The following GADL1 variants were observed in gnomAD, a reference collection of about 807,000 sequenced individuals.
The protein encoded by GADL1 is acidic amino acid decarboxylase GADL1.
Under a neutral mutation model 69.5 loss-of-function variants are expected in GADL1, and 71 were observed. That is an observed-to-expected ratio of 1.02 (90% CI 0.84 to 1.25). The LOEUF is 1.25. Among genes scored for constraint, GADL1 ranks in the 50% most tolerant of loss-of-function variants. The probability of loss-of-function intolerance (pLI) is 0.00; values close to 1 mark genes in which losing one functional copy is unlikely to be tolerated. For missense variants in GADL1, 737 were observed against 631.8 expected, an observed-to-expected ratio of 1.17 and a Z score of -1.79; for synonymous variants, 254 against 214.4, an observed-to-expected ratio of 1.18 and a Z score of -1.62.
intron 11 of GADL1, among the ~76,000 whole-genome samples, chr3:30,831,810 A>T (rs1697797053): frequency 6.6e-6 from 1 of 151,976 alleles, no homozygotes; most frequent in East Asian, 1.9e-4. Flanking sequence ...ATATTGGGAG[A>T]TAGGCAAGAA....
chr3:30,836,596 TTTAA>T (rs1351655746), intron 9 of GADL1, among the ~76,000 whole-genome samples: 1 of 152,116 alleles, frequency 6.6e-6, no homozygotes, highest in Non-Finnish European at 1.5e-5. Flanking sequence ...TATATTTGTC[TTTAA>T]TTAGTTAATA....
At chr3:30,752,571 G>A (rs896424959) in intron 14 of GADL1, among the ~76,000 whole-genome samples, 2 of 152,078 alleles carry the variant, frequency 1.3e-5, no homozygotes, top group South Asian at 2.1e-4. Context: ...ACCCAGTCTC[G>A]AGGAGTTATG....
chr3:30,854,557 A>G, intron 4 of GADL1, 142 bp downstream of exon 4: 1 of 567,448 alleles, frequency 1.8e-6, no homozygotes, highest in Non-Finnish European at 3.1e-6. Flanking sequence ...TTGAATACTG[A>G]TAAGTATCAT....
chr3:30,804,184 G>A (rs1437732488), intron 11 of GADL1, among the ~76,000 whole-genome samples: 3 of 152,022 alleles, frequency 2.0e-5, no homozygotes, highest in South Asian at 2.1e-4. Context: ...AGTTGAATCC[G>A]GTACTAAGTA....
rs557621850 is a variant in GADL1 at position 30,844,535 on chromosome 3, A to G, written c.652-69T>C. 1.7e-4 allele frequency: 170 copies of G among 1,021,402 alleles called. 1 individual carries two copies. The African/African-American group carries it at 2.4e-3, about 15-fold the overall frequency. 63.3% of individuals were successfully genotyped at this position (1,021,402 alleles called of 1,614,324 possible). A position where few individuals can be genotyped will look rare whatever the true frequency, so the allele number is the denominator to read the frequency against. The stretch of plus-strand genomic sequence containing the variant: ...TAGCACAAAAAAAGCATTGCTTATT[A>G]TCAAAGGTAGATGAAAGTATGGCTG... On this transcript the variant is annotated intron_variant, in intron 6 of 14. Coordinates refer to ENST00000282538, the MANE Select transcript of GADL1 (RefSeq NM_207359.3).
At chr3:30,837,336 CT>C (rs1437748698) in intron 9 of GADL1, among the ~76,000 whole-genome samples, 1 of 152,072 alleles carries the variant, frequency 6.6e-6, no homozygotes, top group African/African-American at 2.4e-5. Context: ...ACCCACAATA[CT>C]AAAGGATGGG....
At chr3:30,859,077 C>G (rs1231018250) in intron 2 of GADL1, among the ~76,000 whole-genome samples, 3 of 151,868 alleles carry the variant, frequency 2.0e-5, no homozygotes, top group Non-Finnish European at 4.4e-5. Context: ...AGCAGCTTGA[C>G]TTAGAGAGGT....
At chr3:30,837,576 C>T (rs1045847937) in intron 9 of GADL1, among the ~76,000 whole-genome samples, 5 of 151,996 alleles carry the variant, frequency 3.3e-5, no homozygotes, top group Admixed American at 1.3e-4. Context: ...AATGTCATTC[C>T]CAATTTAAAA....
At chr3:30,839,829 G>T (rs1006035270) in intron 8 of GADL1, among the ~76,000 whole-genome samples, 16 of 151,788 alleles carry the variant, frequency 1.1e-4, no homozygotes, top group African/African-American at 3.9e-4. Flanking sequence ...AGAAGAAAAG[G>T]GAGAATGTGG....
At chr3:30,801,951 ATGTCT>A (rs1220371067) in intron 11 of GADL1, among the ~76,000 whole-genome samples, 3 of 152,130 alleles carry the variant, frequency 2.0e-5, no homozygotes, top group African/African-American at 7.2e-5. Context: ...TGTCTCATCT[ATGTCT>A]TGTCTTATAC....
At chr3:30,837,194 T>C (rs986526652) in intron 9 of GADL1, among the ~76,000 whole-genome samples, 1 of 152,160 alleles carries the variant, frequency 6.6e-6, no homozygotes. Flanking sequence ...TTTAAAATAC[T>C]CTAGAAGATT....
intron 11 of GADL1, among the ~76,000 whole-genome samples, chr3:30,826,720 C>G (rs1019697015): frequency 1.3e-5 from 2 of 150,864 alleles, no homozygotes; most frequent in African/African-American, 4.9e-5. Context: ...ACCCAGGGAG[C>G]CTTAGAAAAG....
chr3:30,777,745 GTGTAAGACATAGGGCCT>G (rs1032283462), intron 14 of GADL1, among the ~76,000 whole-genome samples: 12 of 152,182 alleles, frequency 7.9e-5, no homozygotes, highest in Non-Finnish European at 1.6e-4. Flanking sequence ...ATCCCCTTGG[GTGTAAGACATAGGGCCT>G]TTGTTGAAGA....
chr3:30,732,556 T>G (rs1695474121), intron 14 of GADL1, among the ~76,000 whole-genome samples: 2 of 152,132 alleles, frequency 1.3e-5, no homozygotes, highest in South Asian at 2.1e-4. Context: ...CAAATAGGAT[T>G]TGATATTTAA....
chr3:30,757,057 G>A (rs1281548885), intron 14 of GADL1, among the ~76,000 whole-genome samples: 1 of 152,170 alleles, frequency 6.6e-6, no homozygotes, highest in Non-Finnish European at 1.5e-5. Flanking sequence ...CCAGGGTGTT[G>A]GTGGTAGTCA....
At chr3:30,812,030 A>G (rs916834923) in intron 11 of GADL1, among the ~76,000 whole-genome samples, 2 of 152,208 alleles carry the variant, frequency 1.3e-5, no homozygotes, top group Non-Finnish European at 2.9e-5. Flanking sequence ...AGAAGTCTGA[A>G]GTGTTGAGTT....
At chr3:30,820,804 C>T (rs1024719298) in intron 11 of GADL1, among the ~76,000 whole-genome samples, 1 of 151,754 alleles carries the variant, frequency 6.6e-6, no homozygotes, top group African/African-American at 2.4e-5. Context: ...CCATTTGACC[C>T]AGCCATCCCA....
intron 1 of GADL1, among the ~76,000 whole-genome samples, chr3:30,885,991 G>T (rs1412506115): frequency 6.6e-6 from 1 of 151,896 alleles, no homozygotes; most frequent in Non-Finnish European, 1.5e-5. Context: ...ATAATTGCCA[G>T]AAAATTAATA....
At chr3:30,838,733 G>T (rs1697913353) in intron 9 of GADL1, among the ~76,000 whole-genome samples, 1 of 152,120 alleles carries the variant, frequency 6.6e-6, no homozygotes, top group African/African-American at 2.4e-5. Context: ...CTGCTTCAAT[G>T]ACAGTAGATT....
Sources: gnomAD v4.1 joint callset for allele counts (sites outside exome capture counted in the v4.1 genomes callset) on GRCh38, gnomAD v4.1.1 for gene constraint, MANE v1.5 for transcripts, NCBI Gene and HGNC (gene_info 2026-07-23, HGNC 2026-07-21) for gene names.